SYT9: variants seen among roughly 807,000 people sequenced by gnomAD.
SYT9 encodes synaptotagmin-9.
In SYT9, 22 loss-of-function variants were observed where a neutral mutation model predicts 48.4. The observed-to-expected ratio is 0.45, with a 90% CI of 0.32 to 0.65. The LOEUF is 0.65. SYT9 is among the 30% of genes least tolerant of loss of function. The pLI is 0.03. For synonymous variants in SYT9, 265 were observed against 245.0 expected, an observed-to-expected ratio of 1.08 and a Z score of -0.76; for missense variants, 577 against 622.0, an observed-to-expected ratio of 0.93 and a Z score of 0.77.
intron 1 of SYT9, among the ~76,000 whole-genome samples, chr11:7,299,934 G>A (rs1848888100): frequency 6.6e-6 from 1 of 152,112 alleles, no homozygotes; most frequent in African/African-American, 2.4e-5. Flanking sequence ...AGGTCACGTT[G>A]TACTAAGCTG....
chr11:7,254,852 T>G (rs1847938006), intron 1 of SYT9, among the ~76,000 whole-genome samples: 1 of 152,170 alleles, frequency 6.6e-6, no homozygotes, highest in South Asian at 2.1e-4. Context: ...ATTTACTCAT[T>G]TTTTCAGAGG....
At position 7,252,183 on chromosome 11, in the gene SYT9, G is replaced by T; in HGVS notation, c.-4G>T. 2 of 1,445,040 alleles carry T rather than the reference G, an allele frequency of 1.4e-6. No individual in the cohort carries two copies. Among genetic ancestry groups the T allele is most frequent in the Non-Finnish European group, 1.8e-6 (2 of 1,100,876 alleles). The allele number at this position is 1,445,040 out of a possible 1,614,324, so 89.5% of individuals were successfully genotyped here. On this transcript the variant is annotated 5_prime_UTR_variant, in exon 1 of 7. Transcript: ENST00000318881. The surrounding 1 kb of genome is among the most constrained non-coding windows in gnomAD (Gnocchi z 6.3). ...CCGGCGCGGTCCGAGGATGCGGGGGGGCGATGCCCGGGGCCAGGGACGCGC... is the reference window on the plus strand; with the variant it reads ...CCGGCGCGGTCCGAGGATGCGGGGGTGCGATGCCCGGGGCCAGGGACGCGC...
intron 6 of SYT9, among the ~76,000 whole-genome samples, chr11:7,454,535 A>G (rs12277949): frequency 0.31 from 47,455 of 152,148 alleles, 8,107 homozygotes; most frequent in African/African-American, 0.44. Flanking sequence ...ACACGAGTGA[A>G]GACAATGCGA....
intron 1 of SYT9, among the ~76,000 whole-genome samples, chr11:7,240,007 G>A (rs572488858): frequency 1.3e-5 from 2 of 152,230 alleles, no homozygotes; most frequent in South Asian, 4.1e-4. Flanking sequence ...TTAAAACCAC[G>A]GAACTGAGTG....
intron 3 of SYT9, among the ~76,000 whole-genome samples, chr11:7,364,629 T>C (rs1336234955): frequency 2.0e-5 from 3 of 152,120 alleles, no homozygotes; most frequent in Admixed American, 2.0e-4. Flanking sequence ...CAAAGACAAA[T>C]TATCTCCTCC....
rs528408714 is a variant in SYT9, at chr11:7,319,535, G to A, written c.1044+5594G>A. Among the ~76,000 whole-genome samples the A allele has an allele frequency of 5.9e-5, 9 of 152,258 alleles. No individual in the cohort carries two copies. The South Asian group carries it at 1.0e-3, about 18-fold the overall frequency. On this transcript the variant is annotated intron_variant, in intron 3 of 6. Transcript: ENST00000318881. ...ACTAGCTCAGTGGTAATTTGGGTATGAATGTTTTAAATGCATAACAATGCG... is the reference window on the plus strand; with the variant it reads ...ACTAGCTCAGTGGTAATTTGGGTATAAATGTTTTAAATGCATAACAATGCG...
At position 7,313,494 on chromosome 11, in the gene SYT9, A is replaced by G; in HGVS notation, c.597A>G (p.Lys199=). The part of the protein sequence containing the change: ...QEQLTGIGRI[K]PELYKQRSLD... ...AGTTGACTGGAATTGGTAGAATTAA[A>G]CCAGAGTTATATAAGCAGAGGTCAT... is the stretch of plus-strand genomic sequence containing the variant. The change falls in exon 3 of 7, where the codon AAA becomes AAG. Residue 199 remains lysine (K), a synonymous_variant. Coordinates refer to ENST00000318881, the MANE Select transcript of SYT9 (RefSeq NM_175733.4). The G allele has an allele frequency of 1.2e-6, 2 of 1,614,176 alleles. No homozygotes were observed. The highest frequency in any genetic ancestry group is 1.7e-6 in the Non-Finnish European group (2 of 1,180,006).
chr11:7,449,035 G>A (rs1273624657), intron 6 of SYT9, among the ~76,000 whole-genome samples: 3 of 152,040 alleles, frequency 2.0e-5, no homozygotes, highest in Non-Finnish European at 4.4e-5. Flanking sequence ...AGAAAGTGGA[G>A]GAGCAAAGGC....
At chr11:7,287,508 ACTT>A (rs1361925309) in intron 1 of SYT9, among the ~76,000 whole-genome samples, 2 of 152,238 alleles carry the variant, frequency 1.3e-5, no homozygotes, top group African/African-American at 4.8e-5. Flanking sequence ...AGCAATGTCT[ACTT>A]CTTCTCAAGA....
chr11:7,362,256 T>C (rs112845902), intron 3 of SYT9, among the ~76,000 whole-genome samples: 3,431 of 152,008 alleles, frequency 0.023, 114 homozygotes, highest in African/African-American at 0.074. Flanking sequence ...GTGATTCTCC[T>C]GCCTCAGCCT....
chr11:7,270,789 C>G (rs1411783383), intron 1 of SYT9, among the ~76,000 whole-genome samples: 6 of 151,564 alleles, frequency 4.0e-5, no homozygotes. Flanking sequence ...AAGCTGCTTC[C>G]ATGAGAGGAT....
At chr11:7,399,361 G>A (rs1038112190) in intron 3 of SYT9, among the ~76,000 whole-genome samples, 1 of 152,092 alleles carries the variant, frequency 6.6e-6, no homozygotes, top group East Asian at 1.9e-4. Flanking sequence ...TATTGAAAGA[G>A]TGCATCCATC....
chr11:7,313,360 G>T, intron 2 of SYT9, 35 bp from the exon 3 acceptor site: 6 of 1,566,118 alleles, frequency 3.8e-6, no homozygotes, highest in Non-Finnish European at 5.2e-6. Context: ...AGCTAATAAG[G>T]TTATAACTTT....
intron 3 of SYT9, among the ~76,000 whole-genome samples, chr11:7,397,232 C>G (rs1846773011): frequency 6.6e-6 from 1 of 152,020 alleles, no homozygotes; most frequent in Non-Finnish European, 1.5e-5. Flanking sequence ...AAATAGATAT[C>G]CAATTATTCA....
At chr11:7,358,276 G>C (rs1464603147) in intron 3 of SYT9, among the ~76,000 whole-genome samples, 1 of 152,030 alleles carries the variant, frequency 6.6e-6, no homozygotes, top group Non-Finnish European at 1.5e-5. Flanking sequence ...TTCTTTTAAA[G>C]TTATGGTTTT....
At chr11:7,395,564 G>T (rs1846736048) in intron 3 of SYT9, among the ~76,000 whole-genome samples, 1 of 152,014 alleles carries the variant, frequency 6.6e-6, no homozygotes, top group South Asian at 2.1e-4. Flanking sequence ...AAGTCTTCTT[G>T]TTGAATTGAA....
At chr11:7,249,693 G>A (rs1847835435), upstream of SYT9, among the ~76,000 whole-genome samples, 1 of 152,122 alleles carries the variant, frequency 6.6e-6, no homozygotes, top group Non-Finnish European at 1.5e-5. Context: ...ACTATTACAA[G>A]CACTTAAATA....
At chr11:7,353,844 T>C (rs1849965401) in intron 3 of SYT9, among the ~76,000 whole-genome samples, 1 of 152,264 alleles carries the variant, frequency 6.6e-6, no homozygotes, top group Admixed American at 6.5e-5. Flanking sequence ...TTCTTGTTTA[T>C]CAATTATATT....
At chr11:7,434,904 C>T (rs1241509356) in intron 6 of SYT9, 2 of 152,172 alleles carry the variant, frequency 1.3e-5, no homozygotes, top group African/African-American at 4.8e-5. Flanking sequence ...GCTAATGGCT[C>T]TTCTCCTGCT....
Sources: allele counts gnomAD v4.1 joint callset (sites outside exome capture counted in the v4.1 genomes callset), GRCh38; gene constraint gnomAD v4.1.1; non-coding constraint Gnocchi (gnomAD v3.1); transcripts MANE v1.5; gene names NCBI Gene and HGNC (gene_info 2026-07-23, HGNC 2026-07-21).